Variants in PRKAG2 observed in about 807,000 individuals in gnomAD.
PRKAG2 encodes the protein 5'-AMP-activated protein kinase subunit gamma-2.
Under a neutral mutation model 69.6 loss-of-function variants are expected in PRKAG2, and 26 were observed. That is an observed-to-expected ratio of 0.37 (90% confidence interval 0.27 to 0.52). The LOEUF (loss-of-function observed/expected upper bound fraction) is 0.52, where lower values mean the gene tolerates loss of function less well. Ranked by LOEUF, PRKAG2 falls within the 20% of genes least tolerant of loss-of-function variation. The probability of loss-of-function intolerance (pLI) is 0.90; values close to 1 mark genes in which losing one functional copy is unlikely to be tolerated. For missense variants in PRKAG2, 557 were observed against 740.0 expected (o/e 0.75, Z 2.87); for synonymous variants, 293 against 285.0 (o/e 1.03, Z -0.28).
chr7:151,804,263 T>C (rs761921924), intron 1 of PRKAG2, among the ~76,000 whole-genome samples: 10 of 152,212 alleles, frequency 6.6e-5, no homozygotes, highest in Non-Finnish European at 8.8e-5. Flanking sequence ...GCAGGCTGCT[T>C]TCAATCTTTG....
intron 3 of PRKAG2, among the ~76,000 whole-genome samples, chr7:151,695,126 G>A (rs1470971445): frequency 2.6e-5 from 4 of 152,192 alleles, no homozygotes. Context: ...TGGTGGGGCT[G>A]CCCAGTGACA....
chr7:151,797,773 G>A lies in PRKAG2; in HGVS notation c.115-11232C>T, dbSNP rs76727675. Among the ~76,000 whole-genome samples the A allele has an allele frequency of 6.3e-3, 961 of 152,268 alleles. 12 individuals are homozygous for A. Among genetic ancestry groups the A allele is most frequent in the East Asian group, 0.044 (228 of 5,170 alleles). On this transcript the variant is annotated intron_variant, in intron 1 of 15. Coordinates refer to ENST00000287878, the MANE Select transcript of PRKAG2 (RefSeq NM_016203.4). ...TCCCAAGCCAAGCATAGTGAATAGAGGAGCTTTCATTTGTCTCCTCACTTC... is the reference window on the plus strand; with the variant it reads ...TCCCAAGCCAAGCATAGTGAATAGAAGAGCTTTCATTTGTCTCCTCACTTC...
At chr7:151,572,484 A>G (rs922828971) in intron 9 of PRKAG2, 180 bp downstream of exon 9, 1 of 539,968 alleles carries the variant, frequency 1.9e-6, no homozygotes, top group Non-Finnish European at 3.3e-6. Context: ...AAGGGACAAT[A>G]CTTATATTGT....
rs1419873798 is a variant in PRKAG2 at position 151,807,584 on chromosome 7, G to A, written c.115-21043C>T. The A allele has an allele frequency of 1.5e-5, 7 of 457,704 alleles. No individual in the cohort carries two copies. Among genetic ancestry groups the A allele is most frequent in the Middle Eastern group, 3.2e-4 (1 of 3,098 alleles). 28.4% of individuals were successfully genotyped at this position (457,704 alleles called of 1,614,324 possible). On this transcript the variant is annotated intron_variant, in intron 1 of 15. Transcript: ENST00000287878. The surrounding 1 kb of genome is among the most constrained non-coding windows in gnomAD (Gnocchi z 4.4). Reference sequence around the variant, plus strand: ...CCCAGCGTAGATGCACAGCTGCCACGGAGGTAGGAAGAATGATTCGTTTGC... The same window carrying A: ...CCCAGCGTAGATGCACAGCTGCCACAGAGGTAGGAAGAATGATTCGTTTGC...
rs566728496 is a variant in PRKAG2, at chr7:151,591,106, G to T, written c.864+4239C>A. ...GGACACTCCCTCCTGGAGCCCCTGAGGAATGTACAGGTGAGGGGCCCCTTC... is the reference window on the plus strand; with the variant it reads ...GGACACTCCCTCCTGGAGCCCCTGATGAATGTACAGGTGAGGGGCCCCTTC... On this transcript the variant is annotated intron_variant, in intron 6 of 15. Coordinates refer to ENST00000287878, the MANE Select transcript of PRKAG2 (RefSeq NM_016203.4). Among the ~76,000 whole-genome samples the T allele has an allele frequency of 7.9e-5, 12 of 152,336 alleles. No individual in the cohort carries two copies. The Middle Eastern group carries it at 0.014, about 173-fold the overall frequency.
chr7:151,673,982 C>T (rs1832486072), intron 4 of PRKAG2, among the ~76,000 whole-genome samples: 1 of 151,778 alleles, frequency 6.6e-6, no homozygotes, highest in South Asian at 2.1e-4. Flanking sequence ...GTTGGGATTA[C>T]AGGTGCCCAC....
intron 1 of PRKAG2, among the ~76,000 whole-genome samples, chr7:151,857,598 C>A (rs1178000927): frequency 3.9e-5 from 6 of 152,198 alleles, no homozygotes; most frequent in Admixed American, 6.5e-5. Flanking sequence ...GCTGTGCCAC[C>A]CCCTGCCAAC....
intron 3 of PRKAG2, among the ~76,000 whole-genome samples, chr7:151,716,565 A>G (rs1457999979): frequency 1.3e-5 from 2 of 151,988 alleles, no homozygotes; most frequent in African/African-American, 4.8e-5. Flanking sequence ...AACCCCGCCC[A>G]GCCTTGCACT....
intron 3 of PRKAG2, among the ~76,000 whole-genome samples, chr7:151,778,982 C>T (rs1043950336): frequency 3.3e-5 from 5 of 150,018 alleles, no homozygotes; most frequent in Non-Finnish European, 7.4e-5. Flanking sequence ...ACACACACAC[C>T]CATATATGCT....
chr7:151,557,123 A>G lies in PRKAG2; in HGVS notation c.*78T>C. ...CTGATATACATTCTTAACCACTTGC[A>G]GCCAGTGTTCATGAGGCAAAACGTG... On this transcript the variant is annotated 3_prime_UTR_variant, in exon 16 of 16. Coordinates refer to ENST00000287878, the MANE Select transcript of PRKAG2 (RefSeq NM_016203.4). 1.9e-6 allele frequency: 3 copies of G among 1,602,192 alleles called. No individual in the cohort carries two copies. Among genetic ancestry groups the G allele is most frequent in the Non-Finnish European group, 2.6e-6 (3 of 1,169,262 alleles).
rs972424791 is a variant in PRKAG2, at chr7:151,774,879, C to G, written c.466+6273G>C. ...GTGTATATCAGTATTACCTGAGGAGCCTGTCAACACTTTAGATTCTATGTT... is the reference window on the plus strand; with the variant it reads ...GTGTATATCAGTATTACCTGAGGAGGCTGTCAACACTTTAGATTCTATGTT... On this transcript the variant is annotated intron_variant, in intron 3 of 15. Coordinates refer to ENST00000287878, the MANE Select transcript of PRKAG2 (RefSeq NM_016203.4). Among the ~76,000 whole-genome samples the G allele has an allele frequency of 9.8e-5, 15 of 152,288 alleles. No individual in the cohort carries two copies. The South Asian group carries it at 2.5e-3, about 25-fold the overall frequency.
At chr7:151,675,316 G>A (rs747207675) in intron 4 of PRKAG2, 104 bp downstream of exon 4, 18 of 1,139,052 alleles carry the variant, frequency 1.6e-5, no homozygotes, top group African/African-American at 7.7e-5. Flanking sequence ...GGGAGCACAC[G>A]ACCTCAGCCT....
intron 14 of PRKAG2, among the ~76,000 whole-genome samples, chr7:151,563,001 A>G (rs1413387367): frequency 1.3e-5 from 2 of 152,122 alleles, no homozygotes; most frequent in African/African-American, 4.8e-5. Context: ...TATCTTTTGA[A>G]CTCTGAAGGC....
At chr7:151,616,056 C>T (rs896135742) in intron 5 of PRKAG2, among the ~76,000 whole-genome samples, 7 of 152,192 alleles carry the variant, frequency 4.6e-5, no homozygotes, top group African/African-American at 1.4e-4. Flanking sequence ...CAATTACTGA[C>T]GTCCTCCTTG....
rs193188770 is a variant in PRKAG2 at position 151,562,925 on chromosome 7, A to G, written c.1584+1153T>C. On this transcript the variant is annotated intron_variant, in intron 14 of 15. Coordinates refer to ENST00000287878, the MANE Select transcript of PRKAG2 (RefSeq NM_016203.4). The stretch of plus-strand genomic sequence containing the variant: ...AGCCGAGATCACGCCACTGCACTCC[A>G]GCCTCGGCGACAGAGCAAGACTCCG... 4.5e-3 allele frequency among the ~76,000 whole-genome samples: 671 copies of G among 150,498 alleles called. 10 individuals are homozygous for G. The highest frequency in any genetic ancestry group is 0.015 in the African/African-American group (632 of 40,868).
chr7:151,714,419 C>T (rs568444655), intron 3 of PRKAG2, among the ~76,000 whole-genome samples: 1 of 142,698 alleles, frequency 7.0e-6, no homozygotes, highest in South Asian at 2.3e-4. Flanking sequence ...GCAGGGCTTC[C>T]CGGAGAGCCG....
intron 1 of PRKAG2, among the ~76,000 whole-genome samples, chr7:151,855,104 A>AC (rs1273710863): frequency 4.0e-5 from 2 of 50,286 alleles, no homozygotes; most frequent in Admixed American, 2.1e-4. Flanking sequence ...TCCTCCACAC[A>AC]CACCACCCTA....
intron 2 of PRKAG2, among the ~76,000 whole-genome samples, chr7:151,784,872 G>A (rs914111280): frequency 3.3e-5 from 5 of 152,172 alleles, no homozygotes; most frequent in African/African-American, 9.7e-5. Context: ...CTGGATGCTG[G>A]GCCCTGTCTG....
intron 3 of PRKAG2, among the ~76,000 whole-genome samples, chr7:151,721,703 G>C (rs995462145): frequency 1.3e-5 from 2 of 152,214 alleles, no homozygotes; most frequent in Non-Finnish European, 2.9e-5. Context: ...TAGTTTGTCT[G>C]GAGAAGACAG....
Sources: allele counts gnomAD v4.1 joint callset (sites outside exome capture counted in the v4.1 genomes callset), GRCh38; gene constraint gnomAD v4.1.1; non-coding constraint Gnocchi (gnomAD v3.1); transcripts MANE v1.5; gene names NCBI Gene and HGNC (gene_info 2026-07-23, HGNC 2026-07-21).